The following CAPZB variants were observed in gnomAD, a reference collection of about 807,000 sequenced individuals.
CAPZB encodes the protein F-actin-capping protein subunit beta.
A neutral mutation model predicts 38.1 loss-of-function variants in CAPZB; 2 were observed. That is an observed-to-expected ratio of 0.05 (90% CI 0.02 to 0.17). The LOEUF (loss-of-function observed/expected upper bound fraction) is 0.17. Among genes scored for constraint, CAPZB ranks in the 10% least tolerant of loss-of-function variants. CAPZB has a pLI of 1.00. For missense variants in CAPZB, 161 were observed against 334.2 expected (o/e 0.48, Z 4.04); for synonymous variants, 107 against 127.4 (o/e 0.84, Z 1.08).
chr1:19,385,762 C>T, intron 2 of CAPZB, 136 bp from the exon 3 acceptor site: 1 of 967,304 alleles, frequency 1.0e-6, no homozygotes, highest in East Asian at 2.4e-5. Flanking sequence ...AATTATGGGC[C>T]TGTTCTTTTC....
intron 4 of CAPZB, among the ~76,000 whole-genome samples, chr1:19,371,465 G>A (rs1323711147): frequency 5.3e-5 from 8 of 152,242 alleles, no homozygotes; most frequent in East Asian, 1.9e-4. Flanking sequence ...ACTGAGTGAC[G>A]CCTCAGCCCA....
intron 1 of CAPZB, among the ~76,000 whole-genome samples, chr1:19,457,438 A>G (rs977566440): frequency 2.6e-5 from 4 of 152,198 alleles, no homozygotes; most frequent in Non-Finnish European, 5.9e-5. Flanking sequence ...GATCCACCGC[A>G]TGCTTGAGGA....
At chr1:19,442,329 T>A (rs1194763332) in intron 1 of CAPZB, among the ~76,000 whole-genome samples, 1 of 152,088 alleles carries the variant, frequency 6.6e-6, no homozygotes, top group Non-Finnish European at 1.5e-5. Flanking sequence ...TTCAAACTGA[T>A]TCGAGCTGGG....
At chr1:19,403,627 A>C (rs2094315001) in intron 2 of CAPZB, among the ~76,000 whole-genome samples, 2 of 152,198 alleles carry the variant, frequency 1.3e-5, no homozygotes, top group African/African-American at 2.4e-5. Context: ...TGGCAAGACT[A>C]CTCTGTATGC....
intron 8 of CAPZB, among the ~76,000 whole-genome samples, chr1:19,341,811 G>T (rs2093930740): frequency 6.6e-6 from 1 of 152,142 alleles, no homozygotes; most frequent in Non-Finnish European, 1.5e-5. Context: ...GTGCACTTAA[G>T]TCCCACGGCC....
At chr1:19,447,161 G>A (rs1177087076) in intron 1 of CAPZB, among the ~76,000 whole-genome samples, 1 of 151,818 alleles carries the variant, frequency 6.6e-6, no homozygotes, top group Non-Finnish European at 1.5e-5. Context: ...TCATCCTTCT[G>A]CAGAGAAGGA....
chr1:19,476,218 AG>A (rs879524189), intron 1 of CAPZB, among the ~76,000 whole-genome samples: 36,345 of 98,504 alleles, frequency 0.37, 4,899 homozygotes, highest in Middle Eastern at 0.48. Flanking sequence ...ATAGATAGAT[AG>A]ATAGATAGGC....
At chr1:19,378,421 G>GT in intron 4 of CAPZB, 119 bp downstream of exon 4, 1 of 673,888 alleles carries the variant, frequency 1.5e-6, no homozygotes, top group Non-Finnish European at 2.7e-6. Flanking sequence ...GCTTGGCCGG[G>GT]TAACAGATTC....
rs59789230 is a variant in CAPZB at position 19,416,860 on chromosome 1, C to CAAAAAAAAAAAAAAA, written c.93+2786_93+2800dup. Among the ~76,000 whole-genome samples the CAAAAAAAAAAAAAAA allele has an allele frequency of 4.8e-4, 33 of 69,434 alleles. 2 individuals are homozygous for CAAAAAAAAAAAAAAA. Among genetic ancestry groups the CAAAAAAAAAAAAAAA allele is most frequent in the African/African-American group, 1.8e-3 (31 of 16,800 alleles). The allele number at this position is 69,434 out of a possible 152,430, so 45.6% of individuals were successfully genotyped here. A position where few individuals can be genotyped will look rare whatever the true frequency, so the allele number is the denominator to read the frequency against. On this transcript the variant is annotated intron_variant, in intron 2 of 8. Transcript: ENST00000264202. ...TGGGTGACAGAGCAAGACCCTGTCT[C>CAAAAAAAAAAAAAAA]AAAAAAAAAAAAAAAAAAAAAAAAA...
intron 3 of CAPZB, among the ~76,000 whole-genome samples, chr1:19,382,502 C>T (rs1333251316): frequency 1.3e-5 from 2 of 152,102 alleles, no homozygotes; most frequent in Non-Finnish European, 2.9e-5. Context: ...CAAACACAGT[C>T]AGGATGGAAA....
intron 1 of CAPZB, among the ~76,000 whole-genome samples, chr1:19,452,066 G>A (rs2094517989): frequency 6.6e-6 from 1 of 151,822 alleles, no homozygotes; most frequent in Non-Finnish European, 1.5e-5. Context: ...TGCACATCTG[G>A]GTCAGGGCAA....
chr1:19,459,425 G>A (rs749114927), intron 1 of CAPZB, among the ~76,000 whole-genome samples: 6 of 152,106 alleles, frequency 3.9e-5, no homozygotes, highest in Admixed American at 6.5e-5. Flanking sequence ...AAGACAATTC[G>A]GAGATTAAAA....
At chr1:19,449,019 TC>T in intron 1 of CAPZB, 1 of 1,536,290 alleles carries the variant, frequency 6.5e-7, no homozygotes. Context: ...CCCAGGCTGC[TC>T]GCTGCCCGCT....
At chr1:19,393,444 A>C (rs1226210496) in intron 2 of CAPZB, among the ~76,000 whole-genome samples, 1 of 152,168 alleles carries the variant, frequency 6.6e-6, no homozygotes, top group African/African-American at 2.4e-5. Context: ...ACCTATTCGG[A>C]GGCAGGATTG....
Position 19,370,718 on chromosome 1 carries a change from G to A in CAPZB, c.329+7822C>T, listed in dbSNP as rs907514722. Reference sequence around the variant, plus strand: ...ACCCAAGTTCCCAGCTGCCAGCCGCGGGCCAAGCTGGCAAGCATGCCTCCG... The same window carrying A: ...ACCCAAGTTCCCAGCTGCCAGCCGCAGGCCAAGCTGGCAAGCATGCCTCCG... On this transcript the variant is annotated intron_variant, in intron 4 of 8. Transcript: ENST00000264202. Among the ~76,000 whole-genome samples the A allele has an allele frequency of 3.3e-5, 5 of 152,210 alleles. No homozygotes were observed. In the East Asian group the frequency reaches 7.7e-4, roughly 24 times the overall value.
intron 4 of CAPZB, among the ~76,000 whole-genome samples, chr1:19,359,135 C>A (rs2094038208): frequency 1.3e-5 from 2 of 150,932 alleles, no homozygotes; most frequent in Admixed American, 1.3e-4. Flanking sequence ...GATTATGTCT[C>A]ACCAAAGCTA....
chr1:19,464,736 G>A lies in CAPZB; in HGVS notation c.3+20700C>T, dbSNP rs116220191. Reference sequence around the variant, plus strand: ...GCAAGAAAAGGAAATATTAATACATGCAACATGAATGAATCAAATAAATCA... The same window carrying A: ...GCAAGAAAAGGAAATATTAATACATACAACATGAATGAATCAAATAAATCA... On this transcript the variant is annotated intron_variant, in intron 1 of 8. Coordinates refer to ENST00000264202, the MANE Select transcript of CAPZB (RefSeq NM_004930.5). 4.7e-3 allele frequency among the ~76,000 whole-genome samples: 723 copies of A among 152,258 alleles called. 3 individuals carry two copies. The highest frequency in any genetic ancestry group is 0.016 in the African/African-American group (644 of 41,534).
intron 1 of CAPZB, among the ~76,000 whole-genome samples, chr1:19,460,337 C>T (rs533918994): frequency 2.0e-5 from 3 of 152,178 alleles, no homozygotes; most frequent in Admixed American, 6.5e-5. Context: ...AGCACTGTGG[C>T]GCGATCTCAG....
chr1:19,367,205 A>G (rs1469573675), intron 4 of CAPZB, among the ~76,000 whole-genome samples: 4 of 152,248 alleles, frequency 2.6e-5, no homozygotes, highest in Non-Finnish European at 5.9e-5. Flanking sequence ...TCTCTTCCTT[A>G]CACTGGTTAT....
Sources: gnomAD v4.1 joint callset for allele counts (sites outside exome capture counted in the v4.1 genomes callset) on GRCh38, gnomAD v4.1.1 for gene constraint, MANE v1.5 for transcripts, NCBI Gene and HGNC (gene_info 2026-07-23, HGNC 2026-07-21) for gene names.